The following KIF6 variants were observed in gnomAD, a reference collection of about 807,000 sequenced individuals.
KIF6 encodes kinesin family member 6, also known as kinesin-like protein KIF6.
Under a neutral mutation model 112.7 loss-of-function variants are expected in KIF6, and 106 were observed. The ratio of observed to expected loss-of-function variants is 0.94; its 90% CI spans 0.80 to 1.11. KIF6 has a LOEUF of 1.11. Among genes scored for constraint, KIF6 ranks in the 50% least tolerant of loss-of-function variants. The pLI is 0.00. For synonymous variants in KIF6, 339 were observed against 339.9 expected, an observed-to-expected ratio of 1.00 and a Z score of 0.03; for missense variants, 929 against 964.0, an observed-to-expected ratio of 0.96 and a Z score of 0.48.
chr6:39,396,378 A>G (rs1480067594), intron 15 of KIF6, among the ~76,000 whole-genome samples: 1 of 152,176 alleles, frequency 6.6e-6, no homozygotes, highest in African/African-American at 2.4e-5. Flanking sequence ...ACATTAGTGC[A>G]TCTCAGGAAA....
At chr6:39,476,208 T>C (rs1774418054) in intron 13 of KIF6, among the ~76,000 whole-genome samples, 1 of 147,718 alleles carries the variant, frequency 6.8e-6, no homozygotes, top group African/African-American at 2.5e-5. Flanking sequence ...TAAAATTAAA[T>C]TAAATTAAAA....
intron 3 of KIF6, among the ~76,000 whole-genome samples, chr6:39,671,891 C>A (rs993385804): frequency 2.0e-5 from 3 of 152,214 alleles, no homozygotes; most frequent in Non-Finnish European, 4.4e-5. Flanking sequence ...TCCTCCCATA[C>A]TTCAAAGATG....
At position 39,343,598 on chromosome 6, in the gene KIF6, G is replaced by C; in HGVS notation, c.2428+111C>G. 1 of 1,147,426 alleles carries C rather than the reference G, an allele frequency of 8.7e-7. No homozygotes were observed. Among genetic ancestry groups the C allele is most frequent in the Non-Finnish European group, 1.2e-6 (1 of 813,280 alleles). 71.1% of individuals were successfully genotyped at this position (1,147,426 alleles called of 1,614,324 possible). A position where few individuals can be genotyped will look rare whatever the true frequency, so the allele number is the denominator to read the frequency against. On this transcript the variant is annotated intron_variant, in intron 22 of 22. Transcript: ENST00000287152. This position sits in a 1 kb window ranked among gnomAD's most constrained non-coding sequence, Gnocchi z 4.1. ...GACTGACAGGCAGGCCAGTCCTGTG[G>C]CTTCAGGAATATGCAGGAAACTCCC...
chr6:39,346,121 C>CT (rs1562113253), intron 20 of KIF6, among the ~76,000 whole-genome samples: 951 of 72,018 alleles, frequency 0.013, 56 homozygotes, highest in Non-Finnish European at 0.016. Flanking sequence ...CTCTCCCTCT[C>CT]CCTCCCTCTC....
chr6:39,416,825 T>G (rs1769954089), intron 15 of KIF6, among the ~76,000 whole-genome samples: 1 of 152,208 alleles, frequency 6.6e-6, no homozygotes, highest in Non-Finnish European at 1.5e-5. Flanking sequence ...TTTAAACATG[T>G]GGGCTGACTG....
At chr6:39,371,492 T>G (rs1765991865) in intron 16 of KIF6, among the ~76,000 whole-genome samples, 1 of 152,212 alleles carries the variant, frequency 6.6e-6, no homozygotes, top group East Asian at 1.9e-4. Flanking sequence ...GACACATGGC[T>G]TGACTGAAGG....
intron 22 of KIF6, among the ~76,000 whole-genome samples, chr6:39,341,427 T>C (rs558477240): frequency 1.3e-5 from 2 of 152,262 alleles, no homozygotes; most frequent in African/African-American, 4.8e-5. Flanking sequence ...GCATCTCTGC[T>C]TCCTCTCTCT....
At chr6:39,499,498 T>C (rs1775985208) in intron 13 of KIF6, among the ~76,000 whole-genome samples, 1 of 152,096 alleles carries the variant, frequency 6.6e-6, no homozygotes, top group East Asian at 1.9e-4. Context: ...GTATGGCATA[T>C]CTGATTTACT....
At position 39,330,583 on chromosome 6, in the gene KIF6, T is replaced by A. The variant is rs1762704328; in HGVS notation, c.*5949A>T. On this transcript the variant is annotated 3_prime_UTR_variant, in exon 23 of 23. Transcript: ENST00000287152. ...CTGGCCTGGGGAGGGGCTGCCCTCCTGAGATCAGGAGCTGAGTGAATGGAG... is the reference window on the plus strand; with the variant it reads ...CTGGCCTGGGGAGGGGCTGCCCTCCAGAGATCAGGAGCTGAGTGAATGGAG... 6.6e-6 allele frequency: 1 copy of A among 152,208 alleles called. No homozygotes were observed. Among genetic ancestry groups the A allele is most frequent in the African/African-American group, 2.4e-5 (1 of 41,424 alleles). The allele number at this position is 152,208 out of a possible 1,614,324, so 9.4% of individuals were successfully genotyped here.
At chr6:39,357,640 T>A (rs9349114) in intron 18 of KIF6, among the ~76,000 whole-genome samples, 1 of 152,028 alleles carries the variant, frequency 6.6e-6, no homozygotes, top group African/African-American at 2.4e-5. Flanking sequence ...GTAGAGACGG[T>A]GTTTTGCCAT....
chr6:39,594,030 C>CACATG (rs1174276205), intron 7 of KIF6, among the ~76,000 whole-genome samples: 1 of 152,092 alleles, frequency 6.6e-6, no homozygotes, highest in African/African-American at 2.4e-5. Context: ...CAGCCCTCAG[C>CACATG]ACATGGTAGG....
chr6:39,665,398 A>C (rs933397207), intron 3 of KIF6, among the ~76,000 whole-genome samples: 3 of 152,216 alleles, frequency 2.0e-5, no homozygotes, highest in Non-Finnish European at 4.4e-5. Flanking sequence ...ACTTTTGTGA[A>C]GTCAAATTTG....
At chr6:39,337,151 TTTC>T (rs1401260844) in intron 22 of KIF6, among the ~76,000 whole-genome samples, 3 of 84,302 alleles carry the variant, frequency 3.6e-5, no homozygotes, top group South Asian at 3.6e-4. Flanking sequence ...TTCCTTTCTC[TTTC>T]TTTTCTTTCT....
In KIF6 at chr6:39,337,220, TTTC is replaced by T. The variant is rs1356863143; in HGVS notation, c.2429-675_2429-673del. 4.6e-4 allele frequency among the ~76,000 whole-genome samples: 51 copies of T among 112,038 alleles called. 4 individuals are homozygous for T. Among genetic ancestry groups the T allele is most frequent in the African/African-American group, 2.5e-3 (44 of 17,386 alleles). The allele number at this position is 112,038 out of a possible 152,430, so 73.5% of individuals were successfully genotyped here. On this transcript the variant is annotated intron_variant, in intron 22 of 22. Coordinates refer to ENST00000287152, the MANE Select transcript of KIF6 (RefSeq NM_145027.6). ...CTTTCTTTCTTTCTTTCTTTCTTTC[TTTC>T]TTTCTTTCTTTCTTTTTCTTTCTTT...
chr6:39,635,873 C>T (rs912740211), intron 4 of KIF6, among the ~76,000 whole-genome samples: 1 of 152,050 alleles, frequency 6.6e-6, no homozygotes, highest in Non-Finnish European at 1.5e-5. Flanking sequence ...CAAATATTAT[C>T]ATGCTTCTCA....
At chr6:39,717,515 C>T (rs1789927643) in intron 2 of KIF6, among the ~76,000 whole-genome samples, 1 of 152,142 alleles carries the variant, frequency 6.6e-6, no homozygotes, top group South Asian at 2.1e-4. Flanking sequence ...AATGTTGCAA[C>T]CATTCCTCTC....
chr6:39,669,794 G>A (rs2150828362), intron 3 of KIF6, among the ~76,000 whole-genome samples: 1 of 152,314 alleles, frequency 6.6e-6, no homozygotes, highest in Middle Eastern at 3.4e-3. Flanking sequence ...AATTGAGGCA[G>A]GGCAGAGGTG....
chr6:39,618,435 A>T (rs1783643984), intron 5 of KIF6, among the ~76,000 whole-genome samples: 2 of 152,110 alleles, frequency 1.3e-5, no homozygotes, highest in Non-Finnish European at 2.9e-5. Context: ...GACAAACTGA[A>T]TTCCCAGCCA....
intron 4 of KIF6, 48 bp from the exon 5 acceptor site, chr6:39,635,006 C>G (rs750947358): frequency 9.8e-7 from 1 of 1,016,142 alleles, no homozygotes; most frequent in East Asian, 2.4e-5. Context: ...AACAATGATT[C>G]TGCTTAGATG....
Sources: allele counts gnomAD v4.1 joint callset (sites outside exome capture counted in the v4.1 genomes callset), GRCh38; gene constraint gnomAD v4.1.1; non-coding constraint Gnocchi (gnomAD v3.1); transcripts MANE v1.5; gene names NCBI Gene and HGNC (gene_info 2026-07-23, HGNC 2026-07-21).